CIT: variants seen among roughly 807,000 people sequenced by gnomAD.
CIT encodes citron Rho-interacting kinase.
A neutral mutation model predicts 272.7 loss-of-function variants in CIT; 79 were observed. The ratio of observed to expected loss-of-function variants is 0.29; its 90% CI spans 0.24 to 0.35. CIT has a LOEUF of 0.35. Among genes scored for constraint, CIT ranks in the 10% least tolerant of loss-of-function variants. The pLI is 1.00. For synonymous variants in CIT, 948 were observed against 995.6 expected, an observed-to-expected ratio of 0.95 and a Z score of 0.90; for missense variants, 1,909 against 2,618.3, an observed-to-expected ratio of 0.73 and a Z score of 5.91.
intron 10 of CIT, among the ~76,000 whole-genome samples, chr12:119,789,730 C>G (rs1018907025): frequency 6.6e-6 from 1 of 152,022 alleles, no homozygotes; most frequent in Non-Finnish European, 1.5e-5. Context: ...TTGTTTGAGA[C>G]GGAGTCTCAC....
intron 39 of CIT, 75 bp from the exon 40 acceptor site, chr12:119,708,393 T>C (rs1403402804): frequency 2.2e-6 from 3 of 1,361,346 alleles, no homozygotes; most frequent in African/African-American, 1.5e-5. Context: ...GTTCTAGTTC[T>C]AGTCACAAGT....
intron 27 of CIT, among the ~76,000 whole-genome samples, chr12:119,729,239 T>C (rs1015438128): frequency 3.3e-5 from 5 of 152,114 alleles, no homozygotes; most frequent in Admixed American, 2.0e-4. Flanking sequence ...AAATCTAGTT[T>C]CCTCATGCTT....
chr12:119,771,551 T>C lies in CIT; in HGVS notation c.2083-641A>G, dbSNP rs1038299295. Reference sequence around the variant, plus strand: ...GGTGAAAAGCAGAAAGGTCAAAGGTTGAGGGTTTCAGGTACCAGGCTCAGG... The same window carrying C: ...GGTGAAAAGCAGAAAGGTCAAAGGTCGAGGGTTTCAGGTACCAGGCTCAGG... On this transcript the variant is annotated intron_variant, in intron 17 of 47. Transcript: ENST00000392521. Among the ~76,000 whole-genome samples, 8 of 151,984 alleles carry C rather than the reference T, an allele frequency of 5.3e-5. 1 individual carries two copies. The highest frequency in any genetic ancestry group is 1.0e-4 in the Non-Finnish European group (7 of 67,984).
intron 1 of CIT, among the ~76,000 whole-genome samples, 175 bp downstream of exon 1, chr12:119,877,074 G>A (rs1950874289): frequency 6.6e-6 from 1 of 152,116 alleles, no homozygotes; most frequent in African/African-American, 2.4e-5. Flanking sequence ...AAGGAAGGTG[G>A]GCGCGCGCAC....
chr12:119,860,352 A>T (rs1190084922), intron 3 of CIT, among the ~76,000 whole-genome samples: 1 of 152,160 alleles, frequency 6.6e-6, no homozygotes, highest in Non-Finnish European at 1.5e-5. Context: ...AAACAAATCT[A>T]GGGCACCTAC....
At chr12:119,788,397 C>T (rs1477110510) in intron 10 of CIT, among the ~76,000 whole-genome samples, 2 of 152,162 alleles carry the variant, frequency 1.3e-5, no homozygotes, top group Non-Finnish European at 2.9e-5. Context: ...GATCCACAGA[C>T]TGGGTCCCTG....
chr12:119,742,637 C>T lies in CIT; in HGVS notation c.2905-173G>A, dbSNP rs530268761. On this transcript the variant is annotated intron_variant, in intron 23 of 47. Transcript: ENST00000392521. ...CATCCCCAACACCAGAAATAAGTTACAGGAATACACAATGCTGTGTTAATA... is the reference window on the plus strand; with the variant it reads ...CATCCCCAACACCAGAAATAAGTTATAGGAATACACAATGCTGTGTTAATA... 314 of 545,198 alleles carry T rather than the reference C, an allele frequency of 5.8e-4. 1 individual carries two copies. Among genetic ancestry groups the T allele is most frequent in the Non-Finnish European group, 9.1e-4 (280 of 309,222 alleles). The allele number at this position is 545,198 out of a possible 1,614,324, so 33.8% of individuals were successfully genotyped here. A position where few individuals can be genotyped will look rare whatever the true frequency, so the allele number is the denominator to read the frequency against.
At chr12:119,783,173 C>G (rs1358240966) in intron 12 of CIT, 1 of 152,324 alleles carries the variant, frequency 6.6e-6, no homozygotes, top group Non-Finnish European at 1.5e-5. Context: ...AAATCTATAT[C>G]TGAAATACAT....
chr12:119,689,664 C>CTATTTTTTTTTTTTTTTTTTTTTTTT (rs1565887334), intron 47 of CIT, among the ~76,000 whole-genome samples: 1 of 102,062 alleles, frequency 9.8e-6, no homozygotes, highest in African/African-American at 3.7e-5. Flanking sequence ...GCTTAGGAAG[C>CTATTTTTTTTTTTTTTTTTTTTTTTT]TCTTTTTTTT....
intron 1 of CIT, among the ~76,000 whole-genome samples, chr12:119,876,421 T>A (rs1950847910): frequency 6.6e-6 from 1 of 152,156 alleles, no homozygotes; most frequent in South Asian, 2.1e-4. Context: ...TCTCCCCCCT[T>A]AGAATGGAAG....
In CIT at chr12:119,728,841, G is replaced by C. The variant is rs1352612371; in HGVS notation, c.3487-235C>G. ...TGGCTCTTAAATATGGCTGTGACAA[G>C]TTCTAGGAGGATAACTGCTCAAGGA... On this transcript the variant is annotated intron_variant, in intron 27 of 47. Transcript: ENST00000392521. This position sits in a 1 kb window ranked among gnomAD's most constrained non-coding sequence, Gnocchi z 4.3. 1.3e-5 allele frequency among the ~76,000 whole-genome samples: 2 copies of C among 152,190 alleles called. No individual in the cohort carries two copies. The highest frequency in any genetic ancestry group is 2.4e-5 in the African/African-American group (1 of 41,456).
rs1310353864 is a variant in CIT, at chr12:119,718,027, A to G, written c.4168+218T>C. 6.6e-6 allele frequency among the ~76,000 whole-genome samples: 1 copy of G among 150,976 alleles called. No homozygotes were observed. Among genetic ancestry groups the G allele is most frequent in the Non-Finnish European group, 1.5e-5 (1 of 67,762 alleles). ...AGCTAATTTTGCATTTTTAGTAGAG[A>G]CGGGGTTTCTCCATGTTGGTCAGGC... is the stretch of plus-strand genomic sequence containing the variant. On this transcript the variant is annotated intron_variant, in intron 32 of 47. Coordinates refer to ENST00000392521, the MANE Select transcript of CIT (RefSeq NM_001206999.2). This position sits in a 1 kb window ranked among gnomAD's most constrained non-coding sequence, Gnocchi z 4.8.
chr12:119,704,283 C>G (rs1956753351), intron 41 of CIT, 80 bp downstream of exon 41: 2 of 1,313,426 alleles, frequency 1.5e-6, no homozygotes, highest in Non-Finnish European at 2.2e-6. Flanking sequence ...TGTCCCAGGA[C>G]AGTGCACTTT....
intron 3 of CIT, among the ~76,000 whole-genome samples, chr12:119,866,052 GC>G (rs1269793285): frequency 6.6e-6 from 1 of 151,844 alleles, no homozygotes; most frequent in Non-Finnish European, 1.5e-5. Context: ...TAATCACACT[GC>G]CCTGACCCCT....
intron 9 of CIT, among the ~76,000 whole-genome samples, chr12:119,818,743 C>T (rs113265523): frequency 2.0e-5 from 3 of 152,284 alleles, no homozygotes; most frequent in African/African-American, 4.8e-5. Flanking sequence ...AGTTCTCTAG[C>T]GCATTAGCCA....
At chr12:119,691,494 C>T (rs771481616) in intron 46 of CIT, among the ~76,000 whole-genome samples, 3 of 152,196 alleles carry the variant, frequency 2.0e-5, no homozygotes, top group Non-Finnish European at 4.4e-5. Context: ...GGATGGTTCT[C>T]AGTCATGACA....
intron 5 of CIT, among the ~76,000 whole-genome samples, chr12:119,848,148 T>C (rs1419997351): frequency 2.6e-5 from 4 of 152,140 alleles, no homozygotes; most frequent in Admixed American, 1.3e-4. Flanking sequence ...AGCTGTGGCA[T>C]TGGTTCTGAA....
chr12:119,775,661 T>A (rs1963680522), intron 16 of CIT, 125 bp downstream of exon 16: 2 of 692,568 alleles, frequency 2.9e-6, no homozygotes, highest in Non-Finnish European at 5.0e-6. Flanking sequence ...TCACTCCCCC[T>A]TCATTTTCCT....
rs538423612 is a variant in CIT, at chr12:119,752,043, G to A, written c.2904+7C>T. The A allele has an allele frequency of 1.9e-6, 3 of 1,609,978 alleles. No individual in the cohort carries two copies. The highest frequency in any genetic ancestry group is 1.3e-5 in the African/African-American group (1 of 74,842). Reference sequence around the variant, plus strand: ...AGCAACCTGAAGATGTTGCTCCCCAGACCTACCGTGAGTGCCTGGATCTCC... The same window carrying A: ...AGCAACCTGAAGATGTTGCTCCCCAAACCTACCGTGAGTGCCTGGATCTCC... On this transcript the variant is annotated splice_region_variant and intron_variant, in intron 23 of 47. Coordinates refer to ENST00000392521, the MANE Select transcript of CIT (RefSeq NM_001206999.2).
Sources: gnomAD v4.1 joint callset for allele counts (sites outside exome capture counted in the v4.1 genomes callset) on GRCh38, gnomAD v4.1.1 for gene constraint, Gnocchi (gnomAD v3.1) non-coding constraint, MANE v1.5 for transcripts, NCBI Gene and HGNC (gene_info 2026-07-23, HGNC 2026-07-21) for gene names.